ELP2: variants seen among roughly 807,000 people sequenced by gnomAD.
ELP2 encodes elongator acetyltransferase complex subunit 2, also known as elongator complex protein 2.
Under a neutral mutation model 119.2 loss-of-function variants are expected in ELP2, and 90 were observed. The observed-to-expected ratio is 0.75, with a 90% CI of 0.64 to 0.90. The LOEUF (loss-of-function observed/expected upper bound fraction) is 0.90. Among genes scored for constraint, ELP2 ranks in the 40% least tolerant of loss-of-function variants. The pLI, the probability that ELP2 is intolerant of heterozygous loss-of-function variation, is 0.00. For missense variants in ELP2, 921 were observed against 967.8 expected (o/e 0.95, Z 0.64); for synonymous variants, 339 against 331.0 (o/e 1.02, Z -0.26).
intron 3 of ELP2, among the ~76,000 whole-genome samples, chr18:36,137,431 T>TA (rs1474053281): frequency 6.6e-6 from 1 of 152,170 alleles, no homozygotes. Flanking sequence ...TGCATCTTCT[T>TA]TAGTGGCAGA....
chr18:36,141,426 A>G, intron 6 of ELP2: 1 of 544,488 alleles, frequency 1.8e-6, no homozygotes. Context: ...GAAACAGGTC[A>G]TTAGGTGGGG....
intron 5 of ELP2, chr18:36,139,508 GT>G: frequency 6.5e-7 from 1 of 1,535,720 alleles, no homozygotes; most frequent in Non-Finnish European, 8.7e-7. Flanking sequence ...CGACTCTATG[GT>G]TTCATGTTAC....
intron 9 of ELP2, 131 bp downstream of exon 9, chr18:36,145,165 A>G: frequency 2.7e-6 from 2 of 748,848 alleles, no homozygotes; most frequent in South Asian, 2.9e-5. Context: ...CAAGTTGACA[A>G]AGTATAATAC....
At chr18:36,164,836 A>G in intron 18 of ELP2, 169 bp downstream of exon 18, 3 of 663,678 alleles carry the variant, frequency 4.5e-6, no homozygotes, top group Admixed American at 2.4e-5. Flanking sequence ...CCTTCCTTGT[A>G]AGATTTAAAT....
chr18:36,165,834 A>G (rs1033005878), intron 18 of ELP2, among the ~76,000 whole-genome samples: 3 of 152,088 alleles, frequency 2.0e-5, no homozygotes, highest in South Asian at 4.2e-4. Context: ...GTGAGCCAAG[A>G]TGATGCCATT....
chr18:36,150,725 T>C (rs2090369226), intron 11 of ELP2, among the ~76,000 whole-genome samples: 2 of 152,196 alleles, frequency 1.3e-5, no homozygotes, highest in Admixed American at 1.3e-4. Flanking sequence ...CCAGTTAATA[T>C]TGCTTGAAGG....
intron 12 of ELP2, among the ~76,000 whole-genome samples, chr18:36,155,845 G>A (rs2090555488): frequency 6.6e-6 from 1 of 152,216 alleles, no homozygotes; most frequent in Non-Finnish European, 1.5e-5. Context: ...GATAATAGTA[G>A]TGAGGGCAGT....
chr18:36,163,275 G>T (rs590969), intron 17 of ELP2, among the ~76,000 whole-genome samples: 30 of 145,482 alleles, frequency 2.1e-4, no homozygotes, highest in African/African-American at 3.0e-4. Context: ...GTTCATGGGG[G>T]GTGTGTGTGT....
chr18:36,170,056 G>C lies in ELP2; in HGVS notation c.2077-7G>C, dbSNP rs1191474163. ...AGGCTTTACAGTGTGTGATCTGTCT[G>C]TATTAGGTGGTTGTCTGGGGTGAGT... On this transcript the variant is annotated splice_polypyrimidine_tract_variant and splice_region_variant and intron_variant, in intron 19 of 21. Transcript: ENST00000358232. 1 of 1,614,180 alleles carries C rather than the reference G, an allele frequency of 6.2e-7. No individual in the cohort carries two copies. The highest frequency in any genetic ancestry group is 1.1e-5 in the South Asian group (1 of 91,092).
At position 36,177,708 on chromosome 18, in the gene ELP2, C is replaced by T. The variant is rs1036400142; in HGVS notation, c.*3067C>T. 4 of 151,418 alleles carry T rather than the reference C, an allele frequency of 2.6e-5. No homozygotes were observed. The highest frequency in any genetic ancestry group is 6.6e-5 in the Admixed American group (1 of 15,222). 9.4% of individuals were successfully genotyped at this position (151,418 alleles called of 1,614,324 possible). A position where few individuals can be genotyped will look rare whatever the true frequency, so the allele number is the denominator to read the frequency against. On this transcript the variant is annotated 3_prime_UTR_variant, in exon 22 of 22. Coordinates refer to ENST00000358232, the MANE Select transcript of ELP2 (RefSeq NM_018255.4). ...AAACACCATTTCCCAGGATGTAAAT[C>T]GGTACTAAAAAAAAAGTGCTCCAAA... is the stretch of plus-strand genomic sequence containing the variant.
At position 36,156,527 on chromosome 18, in the gene ELP2, T is replaced by C. The variant is rs149870655; in HGVS notation, c.1337T>C (p.Met446Thr). ...IHGYDLKCLA[M>T]INRFQFVSGA... ...GGGTATGACCTGAAATGTTTGGCAATGATTAATCGGTTTCAGTTTGTATCT... is the reference window on the plus strand; with the variant it reads ...GGGTATGACCTGAAATGTTTGGCAACGATTAATCGGTTTCAGTTTGTATCT... The change falls in exon 13 of 22, where the codon ATG becomes ACG. Residue 446 changes from methionine to threonine, a missense_variant. By Grantham distance (81) the Met-to-Thr change is moderately conservative (BLOSUM62 -1). Transcript: ENST00000358232. 11,059 of 1,614,176 alleles carry C rather than the reference T, an allele frequency of 6.9e-3. 51 individuals are homozygous for C. The highest frequency in any genetic ancestry group is 8.3e-3 in the Non-Finnish European group (9,770 of 1,180,010).
At chr18:36,167,032 C>A (rs1422563286) in intron 18 of ELP2, 69 bp from the exon 19 acceptor site, 15 of 1,500,428 alleles carry the variant, frequency 1.0e-5, no homozygotes, top group Non-Finnish European at 1.3e-5. Context: ...GGCACTTAAA[C>A]ATCACTTCCT....
At chr18:36,156,728 C>A in intron 13 of ELP2, 74 bp downstream of exon 13, 1 of 1,369,548 alleles carries the variant, frequency 7.3e-7, no homozygotes, top group Non-Finnish European at 1.0e-6. Flanking sequence ...TTGCCTTAGG[C>A]TTTAAATGGA....
At chr18:36,149,909 C>A (rs2090344515) in intron 11 of ELP2, among the ~76,000 whole-genome samples, 1 of 152,106 alleles carries the variant, frequency 6.6e-6, no homozygotes, top group Admixed American at 6.6e-5. Flanking sequence ...GATATCTCTA[C>A]CCATTGTTGG....
chr18:36,146,483 A>G (rs567684817), intron 11 of ELP2, 102 bp downstream of exon 11: 2 of 1,317,330 alleles, frequency 1.5e-6, no homozygotes, highest in Non-Finnish European at 2.1e-6. Context: ...TAGTAGAGGC[A>G]CTTGAAGTTC....
chr18:36,170,913 C>T (rs749216217), intron 20 of ELP2, 134 bp from the exon 21 acceptor site: 12 of 719,752 alleles, frequency 1.7e-5, no homozygotes, highest in Non-Finnish European at 3.1e-5. Context: ...TGCAGCATGT[C>T]CTGGGCTGAT....
chr18:36,164,031 A>G (rs1252874772), intron 17 of ELP2, among the ~76,000 whole-genome samples: 1 of 152,128 alleles, frequency 6.6e-6, no homozygotes, highest in Non-Finnish European at 1.5e-5. Flanking sequence ...ATTTTGACAT[A>G]TGAATGCAAT....
At chr18:36,146,491 T>G in intron 11 of ELP2, 110 bp downstream of exon 11, 1 of 1,216,914 alleles carries the variant, frequency 8.2e-7, no homozygotes, top group Non-Finnish European at 1.2e-6. Context: ...GCACTTGAAG[T>G]TCAAGTGACA....
Position 36,167,224 on chromosome 18 carries a change from T to C in ELP2, c.2076+2T>C, listed in dbSNP as rs1166305547. 6.3e-7 allele frequency: 1 copy of C among 1,576,862 alleles called. No individual in the cohort carries two copies. Among genetic ancestry groups the C allele is most frequent in the Non-Finnish European group, 8.6e-7 (1 of 1,159,416 alleles). On this transcript the variant is annotated splice_donor_variant, in intron 19 of 21. Coordinates refer to ENST00000358232, the MANE Select transcript of ELP2 (RefSeq NM_018255.4). LOFTEE classifies it high-confidence loss of function. ...TTCACTGGGAGTCGAGACAAAAAGG[T>C]AATTATTTAAAAATTTAATATTTTT... is the stretch of plus-strand genomic sequence containing the variant.
Sources: allele counts gnomAD v4.1 joint callset (sites outside exome capture counted in the v4.1 genomes callset), GRCh38; gene constraint gnomAD v4.1.1; transcripts MANE v1.5; gene names NCBI Gene and HGNC (gene_info 2026-07-23, HGNC 2026-07-21).